The following AKAP12 variants were observed in gnomAD, a reference collection of about 807,000 sequenced individuals.
The protein encoded by AKAP12 is A-kinase anchor protein 12.
In AKAP12, 32 loss-of-function variants were observed where a neutral mutation model predicts 79.9. The ratio of observed to expected loss-of-function variants is 0.40; its 90% CI spans 0.30 to 0.54. AKAP12 has a LOEUF of 0.54. AKAP12 is among the 20% of genes least tolerant of loss of function. The pLI, the probability that AKAP12 is intolerant of heterozygous loss-of-function variation, is 0.48. For missense variants in AKAP12, 2,074 were observed against 2,177.0 expected (o/e 0.95, Z 0.94); for synonymous variants, 808 against 857.0 (o/e 0.94, Z 1.00).
rs1562755673 is a variant in AKAP12, at chr6:151,352,178, G to A, written c.3787G>A (p.Gly1263Arg). Residue 1263 changes from glycine to arginine, a missense_variant, in exon 4 of 5, where the codon GGG becomes AGG. Around this residue, in one of 3 missense-constraint regions of AKAP12, gnomAD observed 614 missense variants for 665.6 expected, o/e 0.92. Transcript: ENST00000402676. ...ETVSILSKTE[G>R]TQEADQYADE... ...TGTATCCATTCTGTCAAAGACTGAG[G>A]GGACTCAAGAGGCTGACCAGTATGC... is the stretch of plus-strand genomic sequence containing the variant. 3 of 1,614,110 alleles carry A rather than the reference G, an allele frequency of 1.9e-6. No individual in the cohort carries two copies. The highest frequency in any genetic ancestry group is 2.5e-6 in the Non-Finnish European group (3 of 1,180,016).
At chr6:151,263,469 A>G (rs1797478867) in intron 2 of AKAP12, among the ~76,000 whole-genome samples, 1 of 152,254 alleles carries the variant, frequency 6.6e-6, no homozygotes, top group Non-Finnish European at 1.5e-5. Flanking sequence ...CTCTGTATCC[A>G]TGCAAAACTG....
intron 2 of AKAP12, among the ~76,000 whole-genome samples, chr6:151,271,234 A>C (rs1465449330): frequency 6.6e-6 from 1 of 151,784 alleles, no homozygotes; most frequent in African/African-American, 2.4e-5. Context: ...GATATCAGAC[A>C]CTTCACTCCC....
chr6:151,251,279 A>G (rs963031372), intron 2 of AKAP12, among the ~76,000 whole-genome samples: 1 of 152,218 alleles, frequency 6.6e-6, no homozygotes, highest in African/African-American at 2.4e-5. Context: ...GACAATGAAC[A>G]AAACAAAGTT....
chr6:151,312,793 C>CAAAAAAAAAA lies in AKAP12; in HGVS notation c.319+6899_319+6908dup, dbSNP rs55685824. On this transcript the variant is annotated intron_variant, in intron 3 of 4. Coordinates refer to ENST00000402676, the MANE Select transcript of AKAP12 (RefSeq NM_005100.4). The stretch of plus-strand genomic sequence containing the variant: ...GGCTACAAGAGGGAGACTCTGTCTC[C>CAAAAAAAAAA]AAAAAAAAAAAAAAAAAAGAATCAT... Among the ~76,000 whole-genome samples, 90 of 72,960 alleles carry CAAAAAAAAAA rather than the reference C, an allele frequency of 1.2e-3. 2 individuals carry two copies. The highest frequency in any genetic ancestry group is 0.01 in the Middle Eastern group (1 of 100). The allele number at this position is 72,960 out of a possible 152,430, so 47.9% of individuals were successfully genotyped here. A position where few individuals can be genotyped will look rare whatever the true frequency, so the allele number is the denominator to read the frequency against.
At chr6:151,330,886 A>G (rs1031419099) in intron 3 of AKAP12, among the ~76,000 whole-genome samples, 2 of 152,174 alleles carry the variant, frequency 1.3e-5, no homozygotes, top group African/African-American at 4.8e-5. Context: ...TGGGGAACAC[A>G]TAGCCAGCAG....
At chr6:151,284,383 T>C (rs1036660465) in intron 2 of AKAP12, among the ~76,000 whole-genome samples, 1 of 152,146 alleles carries the variant, frequency 6.6e-6, no homozygotes, top group Admixed American at 6.5e-5. Flanking sequence ...CCCGGCACTT[T>C]GGGAAGCCGA....
chr6:151,240,781 G>A lies in AKAP12; in HGVS notation c.162+57G>A, dbSNP rs981567103. The A allele has an allele frequency of 8.1e-6, 9 of 1,116,948 alleles. No individual in the cohort carries two copies. In the African/African-American group the frequency reaches 1.2e-4, roughly 15 times the overall value. 69.2% of individuals were successfully genotyped at this position (1,116,948 alleles called of 1,614,324 possible). A position where few individuals can be genotyped will look rare whatever the true frequency, so the allele number is the denominator to read the frequency against. ...GGCGCGGGTCTTTGGGGGTGGGGGT[G>A]GGGGTGGGGGGGTCCCTCCGATTTC... On this transcript the variant is annotated intron_variant, in intron 2 of 4. Coordinates refer to ENST00000402676, the MANE Select transcript of AKAP12 (RefSeq NM_005100.4).
At chr6:151,247,810 A>T (rs1936102800) in intron 2 of AKAP12, among the ~76,000 whole-genome samples, 1 of 152,160 alleles carries the variant, frequency 6.6e-6, no homozygotes, top group Admixed American at 6.5e-5. Flanking sequence ...GTATACATGG[A>T]TTTTCTGAGA....
intron 2 of AKAP12, among the ~76,000 whole-genome samples, chr6:151,276,627 C>A (rs1776295445): frequency 6.6e-6 from 1 of 152,270 alleles, no homozygotes; most frequent in Admixed American, 6.5e-5. Context: ...CGGAGCCTCC[C>A]TGAGCCTCGC....
chr6:151,350,868 C>G lies in AKAP12; in HGVS notation c.2477C>G (p.Ala826Gly), dbSNP rs916934180. Residue 826 changes from alanine to glycine, a missense_variant, in exon 4 of 5, where the codon GCC becomes GGC. Around this residue, in one of 3 missense-constraint regions of AKAP12, gnomAD observed 1,428 missense variants for 1,451.0 expected, o/e 0.98. Coordinates refer to ENST00000402676, the MANE Select transcript of AKAP12 (RefSeq NM_005100.4). This position sits in a 1 kb window ranked among gnomAD's most constrained non-coding sequence, Gnocchi z 4.8. ...AGGCCAGATGGGAAACAAGAACAAG[C>G]CCCTGTTGAAGACGCAGGGCCAACA... is the stretch of plus-strand genomic sequence containing the variant. ...KKRPDGKQEQ[A>G]PVEDAGPTGA... The G allele has an allele frequency of 1.2e-6, 2 of 1,613,958 alleles. No individual in the cohort carries two copies. Among genetic ancestry groups the G allele is most frequent in the African/African-American group, 2.7e-5 (2 of 74,888 alleles).
chr6:151,299,965 T>C (rs1217512195), intron 2 of AKAP12, among the ~76,000 whole-genome samples: 1 of 152,172 alleles, frequency 6.6e-6, no homozygotes, highest in East Asian at 1.9e-4. Context: ...CTCATAAATA[T>C]GTAATGCCAT....
At chr6:151,348,680 T>TTGGGGGGG in intron 3 of AKAP12, 31 bp from the exon 4 acceptor site, 39 of 355,184 alleles carry the variant, frequency 1.1e-4, no homozygotes, top group East Asian at 4.0e-4. Flanking sequence ...TTTTCTCTTC[T>TTGGGGGGG]CCCCACCCCC....
chr6:151,325,597 C>T, intron 3 of AKAP12: 1 of 1,350,784 alleles, frequency 7.4e-7, no homozygotes, highest in Non-Finnish European at 9.5e-7. Flanking sequence ...GGGCCAGCGC[C>T]AGCCCGCGTG....
At chr6:151,282,822 G>A (rs1776435393) in intron 2 of AKAP12, among the ~76,000 whole-genome samples, 3 of 152,134 alleles carry the variant, frequency 2.0e-5, no homozygotes. Context: ...GTTCAGGCTG[G>A]TCAAACTTGA....
chr6:151,312,656 G>A (rs556624520), intron 3 of AKAP12, among the ~76,000 whole-genome samples: 108 of 152,118 alleles, frequency 7.1e-4, no homozygotes, highest in African/African-American at 1.3e-3. Context: ...GCCGGGCGTG[G>A]TGGCGGGCGC....
chr6:151,273,674 T>C (rs1016502492), intron 2 of AKAP12, among the ~76,000 whole-genome samples: 1 of 152,198 alleles, frequency 6.6e-6, no homozygotes, highest in Non-Finnish European at 1.5e-5. Context: ...GTTCAAAGAC[T>C]CTTTTGGTAG....
chr6:151,289,160 C>T (rs1342743093), intron 2 of AKAP12, among the ~76,000 whole-genome samples: 2 of 152,170 alleles, frequency 1.3e-5, no homozygotes, highest in Non-Finnish European at 2.9e-5. Flanking sequence ...TTGCTGAAAA[C>T]ATGCTGTGAG....
Position 151,268,919 on chromosome 6 carries a change from C to T in AKAP12, c.162+28195C>T, listed in dbSNP as rs890419624. Among the ~76,000 whole-genome samples the T allele has an allele frequency of 2.2e-5, 3 of 137,486 alleles. No homozygotes were observed. The Admixed American group carries it at 2.3e-4, about 10-fold the overall frequency. The allele number at this position is 137,486 out of a possible 152,430, so 90.2% of individuals were successfully genotyped here. A position where few individuals can be genotyped will look rare whatever the true frequency, so the allele number is the denominator to read the frequency against. On this transcript the variant is annotated intron_variant, in intron 2 of 4. Transcript: ENST00000402676. ...TTGGCTTCCCAAATTTCTGGGATTA[C>T]AGGCATGAGCCACCGTGCTCGGCCT...
At chr6:151,309,431 G>C (rs973888557) in intron 3 of AKAP12, among the ~76,000 whole-genome samples, 75 of 152,144 alleles carry the variant, frequency 4.9e-4, no homozygotes, top group Admixed American at 4.9e-3. Context: ...TAATGAACAA[G>C]GGCCATTCCT....
Sources: gnomAD v4.1 joint callset for allele counts (sites outside exome capture counted in the v4.1 genomes callset) on GRCh38, gnomAD v4.1.1 for gene constraint, gnomAD v4.1.1 regional missense constraint, Gnocchi (gnomAD v3.1) non-coding constraint, MANE v1.5 for transcripts, NCBI Gene and HGNC (gene_info 2026-07-23, HGNC 2026-07-21) for gene names.